Variants in MYO7A observed in about 807,000 individuals in gnomAD.
The protein encoded by MYO7A is unconventional myosin-VIIa.
In MYO7A, 210 loss-of-function variants were observed where a neutral mutation model predicts 263.8. That is an observed-to-expected ratio of 0.80 (90% CI 0.71 to 0.89). The LOEUF is 0.89. Ranked by LOEUF, MYO7A falls within the 40% of genes least tolerant of loss-of-function variation. The pLI is 0.00. For synonymous variants in MYO7A, 1,239 were observed against 1,197.3 expected, an observed-to-expected ratio of 1.03 and a Z score of -0.72; for missense variants, 2,820 against 2,968.3, an observed-to-expected ratio of 0.95 and a Z score of 1.16.
At chr11:77,152,620 T>C (rs927338901) in intron 4 of MYO7A, among the ~76,000 whole-genome samples, 1 of 151,870 alleles carries the variant, frequency 6.6e-6, no homozygotes, top group Non-Finnish European at 1.5e-5. Context: ...CAACCTGCCC[T>C]GTACTTCCCC....
At chr11:77,156,163 A>G in intron 5 of MYO7A, 72 bp downstream of exon 5, 1 of 1,524,486 alleles carries the variant, frequency 6.6e-7, no homozygotes, top group Non-Finnish European at 8.9e-7. Flanking sequence ...TCCTGCTGAT[A>G]CCTCTAGGAA....
At chr11:77,177,767 T>C in intron 19 of MYO7A, 124 bp downstream of exon 19, 1 of 701,734 alleles carries the variant, frequency 1.4e-6, no homozygotes, top group Non-Finnish European at 2.5e-6. Flanking sequence ...ATGAAACAAG[T>C]GCACACATGC....
At chr11:77,171,409 C>T (rs1481834457) in intron 15 of MYO7A, among the ~76,000 whole-genome samples, 1 of 152,210 alleles carries the variant, frequency 6.6e-6, no homozygotes, top group African/African-American at 2.4e-5. Flanking sequence ...GATCTGACCA[C>T]CACCCTACCG....
At chr11:77,212,890 T>C in intron 46 of MYO7A, 62 bp from the exon 47 acceptor site, 5 of 1,316,936 alleles carry the variant, frequency 3.8e-6, no homozygotes, top group Non-Finnish European at 1.1e-6. Flanking sequence ...GCTTCATTCC[T>C]GTCCCCAAAT....
chr11:77,177,958 A>G (rs1555081051), intron 19 of MYO7A, among the ~76,000 whole-genome samples: 2 of 152,152 alleles, frequency 1.3e-5, no homozygotes, highest in Non-Finnish European at 2.9e-5. Context: ...GAAATTTTGC[A>G]AAGAGGAAAT....
Position 77,214,824 on chromosome 11 carries a change from C to T in MYO7A, c.*128C>T. 1.4e-6 allele frequency: 1 copy of T among 721,974 alleles called. No individual in the cohort carries two copies. The highest frequency in any genetic ancestry group is 1.8e-5 in the South Asian group (1 of 54,506). The allele number at this position is 721,974 out of a possible 1,614,324, so 44.7% of individuals were successfully genotyped here. A position where few individuals can be genotyped will look rare whatever the true frequency, so the allele number is the denominator to read the frequency against. The stretch of plus-strand genomic sequence containing the variant: ...CAGCGAGGCTGGGCTGGCCAGCCAC[C>T]ACTGACTATACCAACTGGGCCTCTG... On this transcript the variant is annotated 3_prime_UTR_variant, in exon 49 of 49. Transcript: ENST00000409709.
At chr11:77,177,479 C>T in intron 18 of MYO7A, 70 bp from the exon 19 acceptor site, 2 of 1,191,196 alleles carry the variant, frequency 1.7e-6, no homozygotes, top group South Asian at 2.6e-5. Context: ...AAGAGCAGCC[C>T]CCACTGGGAC....
At chr11:77,191,050 G>A (rs555059901) in intron 30 of MYO7A, 180 bp downstream of exon 30, 10 of 661,500 alleles carry the variant, frequency 1.5e-5, no homozygotes, top group Middle Eastern at 4.4e-4. Context: ...GGCCAGGTGC[G>A]GTGGTTCACA....
intron 38 of MYO7A, among the ~76,000 whole-genome samples, chr11:77,203,652 G>A (rs1957233135): frequency 6.6e-6 from 1 of 152,086 alleles, no homozygotes; most frequent in African/African-American, 2.4e-5. Context: ...GGAGGGAGGG[G>A]GAGTGTTCCA....
chr11:77,190,893 C>T (rs987981478), intron 30 of MYO7A, 23 bp downstream of exon 30: 13 of 1,526,728 alleles, frequency 8.5e-6, no homozygotes, highest in African/African-American at 4.2e-5. Context: ...GGAAGCACCT[C>T]CTCCCGGAAG....
chr11:77,146,254 G>A (rs1461053237), intron 3 of MYO7A, among the ~76,000 whole-genome samples: 2 of 152,220 alleles, frequency 1.3e-5, no homozygotes, highest in African/African-American at 4.8e-5. Flanking sequence ...CTGGGATGGA[G>A]GTTAGGGGTC....
At chr11:77,186,557 G>A (rs7122023) in intron 27 of MYO7A, among the ~76,000 whole-genome samples, 93,201 of 151,994 alleles carry the variant, frequency 0.61, 29,530 homozygotes, top group African/African-American at 0.77. Context: ...TTCTTGCTTT[G>A]AACCTCATGA....
intron 39 of MYO7A, 59 bp from the exon 40 acceptor site, chr11:77,205,403 C>T (rs1957378052): frequency 3.9e-6 from 6 of 1,526,122 alleles, no homozygotes; most frequent in South Asian, 1.2e-5. Context: ...CGGGGGTGCA[C>T]AGGTCCTGTG....
chr11:77,176,794 A>G (rs951917018), intron 18 of MYO7A, among the ~76,000 whole-genome samples: 12 of 152,146 alleles, frequency 7.9e-5, no homozygotes, highest in African/African-American at 2.4e-4. Flanking sequence ...ACCCTCCCCA[A>G]GGGCAGGGGC....
At position 77,138,330 on chromosome 11, in the gene MYO7A, T is replaced by TGCCGACCCC. The variant is rs1486740096; in HGVS notation, c.19-4376_19-4368dup. 6.9e-6 allele frequency among the ~76,000 whole-genome samples: 1 copy of TGCCGACCCC among 144,658 alleles called. No individual in the cohort carries two copies. Among genetic ancestry groups the TGCCGACCCC allele is most frequent in the Non-Finnish European group, 1.5e-5 (1 of 66,042 alleles). 94.9% of individuals were successfully genotyped at this position (144,658 alleles called of 152,430 possible). ...GCGCCATGGAGGACCCCGCCGACCCTGCCGACCCCGCGCGCATCCCGCAGC... is the reference window on the plus strand; with the variant it reads ...GCGCCATGGAGGACCCCGCCGACCCTGCCGACCCCGCCGACCCCGCGCGCATCCCGCAGC... On this transcript the variant is annotated intron_variant, in intron 2 of 48. Transcript: ENST00000409709. This position sits in a 1 kb window ranked among gnomAD's most constrained non-coding sequence, Gnocchi z 4.9.
rs1555063768 is a variant in MYO7A at position 77,157,262 on chromosome 11, T to C, written c.736-17T>C. Reference sequence around the variant, plus strand: ...GCCCTCCTCCCCTGGCCCCCAGCACTGTGCCCACATTTTCAGGCCCTGGAT... The same window carrying C: ...GCCCTCCTCCCCTGGCCCCCAGCACCGTGCCCACATTTTCAGGCCCTGGAT... On this transcript the variant is annotated splice_polypyrimidine_tract_variant and intron_variant, in intron 7 of 48. Coordinates refer to ENST00000409709, the MANE Select transcript of MYO7A (RefSeq NM_000260.4). The C allele has an allele frequency of 1.3e-6, 2 of 1,590,788 alleles. No individual in the cohort carries two copies. The highest frequency in any genetic ancestry group is 1.7e-6 in the Non-Finnish European group (2 of 1,165,214).
chr11:77,166,191 G>A, intron 15 of MYO7A, 29 bp downstream of exon 15: 3 of 1,598,968 alleles, frequency 1.9e-6, no homozygotes, highest in Admixed American at 1.7e-5. Context: ...CTGTTGTTCG[G>A]GAAGGGCCCC....
intron 47 of MYO7A, 144 bp downstream of exon 47, chr11:77,213,179 C>T (rs751558343): frequency 2.6e-5 from 18 of 687,302 alleles, no homozygotes; most frequent in Non-Finnish European, 3.2e-5. Flanking sequence ...AAGCTGTCAG[C>T]GTTTGCTAGG....
intron 2 of MYO7A, among the ~76,000 whole-genome samples, chr11:77,132,593 A>G (rs1950798222): frequency 6.6e-6 from 1 of 152,176 alleles, no homozygotes; most frequent in Admixed American, 6.5e-5. Flanking sequence ...GGTTCAAGCA[A>G]TTCTCCTGCC....
Sources: gnomAD v4.1 joint callset for allele counts (sites outside exome capture counted in the v4.1 genomes callset) on GRCh38, gnomAD v4.1.1 for gene constraint, Gnocchi (gnomAD v3.1) non-coding constraint, MANE v1.5 for transcripts, NCBI Gene and HGNC (gene_info 2026-07-23, HGNC 2026-07-21) for gene names.